Variants in ELMO1 observed in about 807,000 individuals in gnomAD.
ELMO1 encodes the protein engulfment and cell motility 1.
A neutral mutation model predicts 98.9 loss-of-function variants in ELMO1; 26 were observed. That is an observed-to-expected ratio of 0.26 (90% CI 0.19 to 0.36). ELMO1 has a LOEUF of 0.36. ELMO1 is among the 10% of genes least tolerant of loss of function. The pLI is 1.00. For synonymous variants in ELMO1, 346 were observed against 346.0 expected (o/e 1.00, Z 0.00); for missense variants, 627 against 935.2 (o/e 0.67, Z 4.30).
chr7:37,366,397 G>A (rs1348174196), intron 1 of ELMO1, among the ~76,000 whole-genome samples: 1 of 151,834 alleles, frequency 6.6e-6, no homozygotes, highest in East Asian at 1.9e-4. Context: ...TCACACGTAG[G>A]GTCTCTGTGA....
intron 13 of ELMO1, among the ~76,000 whole-genome samples, chr7:37,167,259 T>C (rs982748374): frequency 9.9e-5 from 15 of 152,148 alleles, no homozygotes; most frequent in Non-Finnish European, 1.6e-4. Flanking sequence ...GTTTCCTGAA[T>C]ACAGCACACT....
chr7:36,863,194 G>A (rs918175233), intron 20 of ELMO1, among the ~76,000 whole-genome samples: 5 of 152,174 alleles, frequency 3.3e-5, no homozygotes, highest in African/African-American at 1.2e-4. Flanking sequence ...AGAATGCTGA[G>A]TCGTGGAATG....
At chr7:37,062,311 A>G (rs1796707598) in intron 15 of ELMO1, among the ~76,000 whole-genome samples, 1 of 152,204 alleles carries the variant, frequency 6.6e-6, no homozygotes, top group African/African-American at 2.4e-5. Flanking sequence ...TAAATTTGCA[A>G]TTCACTTACC....
chr7:36,902,307 A>G (rs1584340556), intron 16 of ELMO1, among the ~76,000 whole-genome samples: 1 of 152,254 alleles, frequency 6.6e-6, no homozygotes, highest in Non-Finnish European at 1.5e-5. Context: ...AAGAGAACTC[A>G]GCAAGTCATT....
At chr7:37,210,162 CA>C (rs1792873034) in intron 13 of ELMO1, among the ~76,000 whole-genome samples, 1 of 151,920 alleles carries the variant, frequency 6.6e-6, no homozygotes, top group African/African-American at 2.4e-5. Context: ...TAGACAGTAT[CA>C]AAAGCCTTGA....
chr7:36,996,968 G>A (rs1340067519), intron 16 of ELMO1, among the ~76,000 whole-genome samples: 4 of 152,228 alleles, frequency 2.6e-5, no homozygotes, highest in African/African-American at 7.2e-5. Context: ...TGGAAGAAGA[G>A]AGAGCCAGAG....
chr7:37,369,216 G>C (rs188985449), intron 1 of ELMO1, among the ~76,000 whole-genome samples: 19 of 152,248 alleles, frequency 1.2e-4, no homozygotes, highest in Admixed American at 1.2e-3. Context: ...ACCAGTGGCT[G>C]GGGGAGATGG....
At chr7:37,262,049 G>C (rs1159310040) in intron 5 of ELMO1, among the ~76,000 whole-genome samples, 1 of 152,134 alleles carries the variant, frequency 6.6e-6, no homozygotes, top group Non-Finnish European at 1.5e-5. Flanking sequence ...CAAAGAAAAA[G>C]TCAATAATGT....
chr7:37,331,091 C>A (rs1800078942), intron 2 of ELMO1, among the ~76,000 whole-genome samples: 1 of 151,894 alleles, frequency 6.6e-6, no homozygotes, highest in Non-Finnish European at 1.5e-5. Flanking sequence ...GTGTTTACTT[C>A]TGGAATTTTC....
chr7:36,889,109 G>C (rs1419650326), intron 17 of ELMO1, among the ~76,000 whole-genome samples: 1 of 152,100 alleles, frequency 6.6e-6, no homozygotes, highest in Admixed American at 6.5e-5. Flanking sequence ...AAAGAAAAAA[G>C]TTACATAAAA....
chr7:37,057,506 A>T (rs914023823), intron 15 of ELMO1, among the ~76,000 whole-genome samples: 11 of 152,226 alleles, frequency 7.2e-5, no homozygotes, highest in African/African-American at 2.7e-4. Flanking sequence ...TAATCTACAC[A>T]AGAGCTTCTT....
At chr7:37,443,190 C>T (rs994500408) in intron 1 of ELMO1, among the ~76,000 whole-genome samples, 2 of 152,198 alleles carry the variant, frequency 1.3e-5, no homozygotes, top group African/African-American at 2.4e-5. Flanking sequence ...CATTCCCTAT[C>T]CAGAGTACAA....
At chr7:37,126,370 C>A (rs142149089) in intron 14 of ELMO1, among the ~76,000 whole-genome samples, 1 of 146,508 alleles carries the variant, frequency 6.8e-6, no homozygotes, top group Non-Finnish European at 1.5e-5. Context: ...AGCACCATGC[C>A]GAATCAAACA....
chr7:37,015,515 C>G (rs1056420587), intron 15 of ELMO1, among the ~76,000 whole-genome samples: 1 of 152,100 alleles, frequency 6.6e-6, no homozygotes, highest in Non-Finnish European at 1.5e-5. Flanking sequence ...ACAGGAGAAT[C>G]GCTTGAATCC....
intron 2 of ELMO1, among the ~76,000 whole-genome samples, chr7:37,330,647 C>A (rs1424303816): frequency 2.0e-5 from 3 of 152,178 alleles, no homozygotes; most frequent in African/African-American, 4.8e-5. Context: ...TACACTGTGG[C>A]CCTAACTTTT....
intron 13 of ELMO1, among the ~76,000 whole-genome samples, chr7:37,175,161 T>C (rs1302165340): frequency 6.6e-6 from 1 of 151,964 alleles, no homozygotes; most frequent in Non-Finnish European, 1.5e-5. Context: ...AGCAGAATAA[T>C]AAGGAGACAA....
chr7:37,200,752 G>A (rs1489842534), intron 13 of ELMO1, among the ~76,000 whole-genome samples: 1 of 152,106 alleles, frequency 6.6e-6, no homozygotes, highest in Non-Finnish European at 1.5e-5. Flanking sequence ...GGTCGCTTGA[G>A]CTCAAGAGTT....
intron 15 of ELMO1, among the ~76,000 whole-genome samples, chr7:37,026,699 G>A (rs1054463353): frequency 6.6e-6 from 1 of 151,924 alleles, no homozygotes; most frequent in Non-Finnish European, 1.5e-5. Context: ...CCTCTACTTG[G>A]ACCCCACTGA....
At chr7:37,070,468 T>C (rs1797209849) in intron 15 of ELMO1, among the ~76,000 whole-genome samples, 1 of 152,246 alleles carries the variant, frequency 6.6e-6, no homozygotes, top group Non-Finnish European at 1.5e-5. Context: ...TATTGCACCC[T>C]TTCTTGATTT....
Sources: allele counts gnomAD v4.1 joint callset (sites outside exome capture counted in the v4.1 genomes callset), GRCh38; gene constraint gnomAD v4.1.1; transcripts MANE v1.5; gene names NCBI Gene and HGNC (gene_info 2026-07-23, HGNC 2026-07-21).